The following PPM1D variants were observed in gnomAD, a reference collection of about 807,000 sequenced individuals.
PPM1D encodes the protein protein phosphatase 1D.
PPM1D carries 52 observed loss-of-function variants against 58.3 expected under a neutral mutation model. The ratio of observed to expected loss-of-function variants is 0.89; its 90% CI spans 0.71 to 1.12. The LOEUF is 1.12. Among genes scored for constraint, PPM1D ranks in the 50% most tolerant of loss-of-function variants. The probability of loss-of-function intolerance (pLI) is 0.00; values close to 1 mark genes in which losing one functional copy is unlikely to be tolerated. For missense variants in PPM1D, 564 were observed against 777.2 expected (o/e 0.73, Z 3.26); for synonymous variants, 278 against 285.1 (o/e 0.98, Z 0.25).
At chr17:60,652,609 C>T (rs986042854) in intron 4 of PPM1D, among the ~76,000 whole-genome samples, 32 of 123,504 alleles carry the variant, frequency 2.6e-4, no homozygotes, top group African/African-American at 8.9e-4. Flanking sequence ...GTAGTGGCTG[C>T]TCTAATTTAC....
At chr17:60,651,429 C>T (rs1441611072) in intron 4 of PPM1D, among the ~76,000 whole-genome samples, 3 of 146,184 alleles carry the variant, frequency 2.1e-5, no homozygotes, top group Admixed American at 6.9e-5. Flanking sequence ...GATGTAATCT[C>T]GCTGTGTTGC....
At chr17:60,639,276 C>T (rs1488971281) in intron 3 of PPM1D, among the ~76,000 whole-genome samples, 2 of 151,884 alleles carry the variant, frequency 1.3e-5, no homozygotes, top group Admixed American at 6.6e-5. Flanking sequence ...CCACCATGCT[C>T]GGCTAAGTTT....
intron 4 of PPM1D, among the ~76,000 whole-genome samples, chr17:60,651,312 A>G (rs890251275): frequency 6.6e-6 from 1 of 152,162 alleles, no homozygotes; most frequent in Non-Finnish European, 1.5e-5. Context: ...CCTTTAATCA[A>G]TTCTGAGGTG....
rs1056494129 is a variant in PPM1D, at chr17:60,602,860, A to T, written c.472+1974A>T. Among the ~76,000 whole-genome samples, 10 of 150,032 alleles carry T rather than the reference A, an allele frequency of 6.7e-5. No homozygotes were observed. The South Asian group carries it at 1.9e-3, about 28-fold the overall frequency. On this transcript the variant is annotated intron_variant, in intron 1 of 5. Transcript: ENST00000305921. ...AACGAAGGTTTAAATTTTTTTTTCAATCACAAATTCTTGGATGGCTCCACA... is the reference window on the plus strand; with the variant it reads ...AACGAAGGTTTAAATTTTTTTTTCATTCACAAATTCTTGGATGGCTCCACA...
intron 4 of PPM1D, among the ~76,000 whole-genome samples, chr17:60,654,733 T>C (rs1021867040): frequency 1.3e-5 from 2 of 151,672 alleles, no homozygotes; most frequent in South Asian, 2.1e-4. Context: ...CTGGGCATGG[T>C]GGCAGGTGCC....
chr17:60,663,344 C>G lies in PPM1D; in HGVS notation c.1610C>G (p.Thr537Arg). ...ERTPPTNFKR[T>R]LEESNSGPLM... ...ACCCCTCCAACAAACTTTAAAAGGA[C>G]ATTAGAAGAGTCCAATTCTGGCCCC... The change falls in exon 6 of 6, where the codon ACA (threonine) becomes AGA (arginine). Residue 537 changes from threonine to arginine, a missense_variant. By Grantham distance (71) the Thr-to-Arg change is moderately conservative (BLOSUM62 -1). Coordinates refer to ENST00000305921, the MANE Select transcript of PPM1D (RefSeq NM_003620.4). The G allele has an allele frequency of 1.2e-6, 2 of 1,614,140 alleles. No homozygotes were observed. Among genetic ancestry groups the G allele is most frequent in the Non-Finnish European group, 1.7e-6 (2 of 1,180,022 alleles).
At chr17:60,614,684 C>T (rs888351901) in intron 1 of PPM1D, among the ~76,000 whole-genome samples, 4 of 152,086 alleles carry the variant, frequency 2.6e-5, no homozygotes, top group African/African-American at 7.2e-5. Context: ...ACACTCACTG[C>T]GAAGGTCTGC....
At chr17:60,622,058 C>T (rs1209769393) in intron 1 of PPM1D, among the ~76,000 whole-genome samples, 1 of 151,190 alleles carries the variant, frequency 6.6e-6, no homozygotes, top group Non-Finnish European at 1.5e-5. Context: ...GGTGTGGTGG[C>T]AGGCGCCTGT....
rs977093649 is a variant in PPM1D at position 60,666,131 on chromosome 17, A to AT, written c.*2581dup. The AT allele has an allele frequency of 6.6e-6, 1 of 152,156 alleles. No individual in the cohort carries two copies. Among genetic ancestry groups the AT allele is most frequent in the Non-Finnish European group, 1.5e-5 (1 of 68,016 alleles). The allele number at this position is 152,156 out of a possible 1,614,324, so 9.4% of individuals were successfully genotyped here. A position where few individuals can be genotyped will look rare whatever the true frequency, so the allele number is the denominator to read the frequency against. ...TATTCTGAAATACAGCGTGTATAACATTGTTTTAGTAGGGTGTGCAATAGT... is the reference window on the plus strand; with the variant it reads ...TATTCTGAAATACAGCGTGTATAACATTTGTTTTAGTAGGGTGTGCAATAGT... On this transcript the variant is annotated 3_prime_UTR_variant, in exon 6 of 6. Coordinates refer to ENST00000305921, the MANE Select transcript of PPM1D (RefSeq NM_003620.4).
At chr17:60,649,185 G>A (rs1238749470) in intron 4 of PPM1D, among the ~76,000 whole-genome samples, 1 of 151,966 alleles carries the variant, frequency 6.6e-6, no homozygotes. Flanking sequence ...AGCCTCCTGA[G>A]CAGCTGGGAC....
chr17:60,661,104 A>T (rs1314521922), intron 5 of PPM1D, among the ~76,000 whole-genome samples: 1 of 151,468 alleles, frequency 6.6e-6, no homozygotes, highest in Non-Finnish European at 1.5e-5. Context: ...CTGTAGTCCT[A>T]GCTACTCAGG....
intron 1 of PPM1D, among the ~76,000 whole-genome samples, chr17:60,622,911 A>G (rs1398746032): frequency 1.3e-5 from 2 of 152,238 alleles, no homozygotes; most frequent in Admixed American, 1.3e-4. Context: ...AGCCTGACCA[A>G]CATGGCGAAA....
chr17:60,652,916 T>C (rs908320749), intron 4 of PPM1D, among the ~76,000 whole-genome samples: 1 of 152,224 alleles, frequency 6.6e-6, no homozygotes, highest in Non-Finnish European at 1.5e-5. Flanking sequence ...GTTAATTCCT[T>C]GTCAGATGGA....
chr17:60,624,313 T>A (rs1426929226), intron 2 of PPM1D, among the ~76,000 whole-genome samples: 1 of 152,234 alleles, frequency 6.6e-6, no homozygotes, highest in Non-Finnish European at 1.5e-5. Flanking sequence ...TGAAAAAATT[T>A]AAAAATTATC....
At chr17:60,644,096 C>T (rs1426591333) in intron 3 of PPM1D, among the ~76,000 whole-genome samples, 1 of 151,776 alleles carries the variant, frequency 6.6e-6, no homozygotes, top group Non-Finnish European at 1.5e-5. Context: ...CCAGGCTGGT[C>T]TCCAACTGTT....
rs2031296618 is a variant in PPM1D at position 60,648,954 on chromosome 17, G to A, written c.1017+872G>A. On this transcript the variant is annotated intron_variant, in intron 4 of 5. Transcript: ENST00000305921. Reference sequence around the variant, plus strand: ...AATTTTTTGTATTTTTAGTAGAGATGGGGTTTCATCATGTTGGCCAGGCAG... The same window carrying A: ...AATTTTTTGTATTTTTAGTAGAGATAGGGTTTCATCATGTTGGCCAGGCAG... 2.6e-5 allele frequency among the ~76,000 whole-genome samples: 4 copies of A among 151,474 alleles called. No individual in the cohort carries two copies. The South Asian group carries it at 8.3e-4, about 32-fold the overall frequency.
At chr17:60,643,451 C>T (rs1161669602) in intron 3 of PPM1D, among the ~76,000 whole-genome samples, 1 of 152,050 alleles carries the variant, frequency 6.6e-6, no homozygotes. Flanking sequence ...AATAAACTGT[C>T]AGCTAATAAA....
chr17:60,663,018 A>G lies in PPM1D; in HGVS notation c.1284A>G (p.Pro428=). The G allele has an allele frequency of 6.2e-7, 1 of 1,610,700 alleles. No individual in the cohort carries two copies. The highest frequency in any genetic ancestry group is 1.1e-5 in the South Asian group (1 of 90,752). Residue 428 remains proline (P), a synonymous_variant, in exon 6 of 6, where the codon CCA becomes CCG. Coordinates refer to ENST00000305921, the MANE Select transcript of PPM1D (RefSeq NM_003620.4). ...AGTCACTGGAGGAGGATCCATGGCC[A>G]AGGGTGAATTCTAAGGACCATATAC... ...PVKSLEEDPW[P]RVNSKDHIPA... is the part of the protein sequence containing the mutation.
intron 1 of PPM1D, among the ~76,000 whole-genome samples, chr17:60,619,128 C>G (rs945810337): frequency 6.6e-6 from 1 of 152,050 alleles, no homozygotes; most frequent in African/African-American, 2.4e-5. Context: ...AGTAAGATCA[C>G]ACAGTATTTG....
Sources: allele counts gnomAD v4.1 joint callset (sites outside exome capture counted in the v4.1 genomes callset), GRCh38; gene constraint gnomAD v4.1.1; transcripts MANE v1.5; gene names NCBI Gene and HGNC (gene_info 2026-07-23, HGNC 2026-07-21).